STK39: variants seen among roughly 807,000 people sequenced by gnomAD.
The protein encoded by STK39 is serine/threonine kinase 39.
In STK39, 20 loss-of-function variants were observed where a neutral mutation model predicts 77.8. That is an observed-to-expected ratio of 0.26 (90% CI 0.18 to 0.37). STK39 has a LOEUF of 0.37. Among genes scored for constraint, STK39 ranks in the 10% least tolerant of loss-of-function variants. The pLI, the probability that STK39 is intolerant of heterozygous loss-of-function variation, is 1.00. For missense variants in STK39, 479 were observed against 656.5 expected (o/e 0.73, Z 2.95); for synonymous variants, 246 against 234.1 (o/e 1.05, Z -0.47).
Position 167,955,245 on chromosome 2 carries a change from G to A in STK39, c.*251C>T, listed in dbSNP as rs1691732086. On this transcript the variant is annotated 3_prime_UTR_variant, in exon 18 of 18. Coordinates refer to ENST00000355999, the MANE Select transcript of STK39 (RefSeq NM_013233.3). ...GCTTTTGGAAAAATGAGCAACAGTC[G>A]TGCAGCTGTGGCATTTGCTTGTTCT... 6.3e-6 allele frequency: 2 copies of A among 319,188 alleles called. No individual in the cohort carries two copies. Among genetic ancestry groups the A allele is most frequent in the Non-Finnish European group, 1.2e-5 (2 of 172,200 alleles). 19.8% of individuals were successfully genotyped at this position (319,188 alleles called of 1,614,324 possible).
At chr2:168,066,040 C>CAAA (rs3835855) in intron 12 of STK39, among the ~76,000 whole-genome samples, 8,947 of 151,452 alleles carry the variant, frequency 0.059, 424 homozygotes, top group East Asian at 0.19. Context: ...ACAACAACAA[C>CAAA]AAAAAAAACC....
intron 14 of STK39, among the ~76,000 whole-genome samples, chr2:168,017,377 ATTTTTT>A (rs386391743): frequency 2.1e-5 from 2 of 93,590 alleles, no homozygotes; most frequent in South Asian, 4.1e-4. Context: ...GGAAACCTTA[ATTTTTT>A]TTTTTTTTTT....
At chr2:167,981,208 C>T (rs935398056) in intron 16 of STK39, among the ~76,000 whole-genome samples, 1 of 152,156 alleles carries the variant, frequency 6.6e-6, no homozygotes, top group African/African-American at 2.4e-5. Context: ...GGAGTATGCA[C>T]CAGAATGTAA....
chr2:168,159,446 G>A (rs1688515694), intron 5 of STK39, among the ~76,000 whole-genome samples: 1 of 152,082 alleles, frequency 6.6e-6, no homozygotes, highest in African/African-American at 2.4e-5. Context: ...TTTTGTTCAG[G>A]CAGCAACCAA....
At chr2:168,018,538 AAAAGAAAGAAAG>A (rs60121657) in intron 14 of STK39, among the ~76,000 whole-genome samples, 3,589 of 85,426 alleles carry the variant, frequency 0.042, 69 homozygotes, top group Non-Finnish European at 0.056. Context: ...GAAAAGAAAG[AAAAGAAAGAAAG>A]AAAGAAAGAA....
chr2:168,102,791 G>T (rs1164337005), intron 10 of STK39, among the ~76,000 whole-genome samples: 1 of 151,920 alleles, frequency 6.6e-6, no homozygotes, highest in Non-Finnish European at 1.5e-5. Context: ...ATTAGTCTGT[G>T]TGGTGGTGGG....
chr2:168,202,129 C>G (rs1689626382), intron 1 of STK39, among the ~76,000 whole-genome samples: 1 of 152,130 alleles, frequency 6.6e-6, no homozygotes. Flanking sequence ...TGCATCAGAA[C>G]CAACTGGGTT....
intron 2 of STK39, among the ~76,000 whole-genome samples, chr2:168,181,281 A>G (rs148135336): frequency 2.1e-4 from 32 of 152,298 alleles, no homozygotes; most frequent in African/African-American, 7.0e-4. Context: ...TAAACCCTCA[A>G]ACCCTTCACA....
At chr2:168,219,277 CTCT>C (rs1690102927) in intron 1 of STK39, among the ~76,000 whole-genome samples, 1 of 151,100 alleles carries the variant, frequency 6.6e-6, no homozygotes, top group East Asian at 1.9e-4. Context: ...CAGAGTGAGA[CTCT>C]TGTTTCAAAA....
chr2:168,081,607 AG>A (rs1292378953), intron 10 of STK39, among the ~76,000 whole-genome samples: 1 of 152,162 alleles, frequency 6.6e-6, no homozygotes, highest in African/African-American at 2.4e-5. Flanking sequence ...TCATTTCAGA[AG>A]GCATGATTGA....
chr2:167,974,802 T>C (rs960564802), intron 16 of STK39, among the ~76,000 whole-genome samples: 4 of 152,210 alleles, frequency 2.6e-5, no homozygotes, highest in African/African-American at 9.6e-5. Flanking sequence ...AAAAGCACTC[T>C]TGAATACAGG....
intron 14 of STK39, among the ~76,000 whole-genome samples, chr2:168,051,883 A>T (rs761428821): frequency 1.6e-4 from 24 of 152,140 alleles, no homozygotes; most frequent in Non-Finnish European, 2.6e-4. Flanking sequence ...CCTGCCTCAG[A>T]GAGACAGCCA....
intron 12 of STK39, among the ~76,000 whole-genome samples, chr2:168,068,512 G>C (rs76033407): frequency 1.7e-3 from 263 of 152,260 alleles, no homozygotes; most frequent in African/African-American, 6.1e-3. Context: ...ACATGGCAGC[G>C]CTGGTTTCTG....
chr2:168,176,499 T>C (rs137941653), intron 2 of STK39, among the ~76,000 whole-genome samples: 196 of 152,240 alleles, frequency 1.3e-3, no homozygotes, highest in Non-Finnish European at 2.1e-3. Flanking sequence ...CCACAAATCA[T>C]AGCTAACTCA....
intron 3 of STK39, among the ~76,000 whole-genome samples, chr2:168,165,112 T>C (rs1351374022): frequency 6.6e-6 from 1 of 152,186 alleles, no homozygotes; most frequent in Non-Finnish European, 1.5e-5. Context: ...TTTTGTGTCA[T>C]TTAAAAAATG....
chr2:168,055,572 T>C (rs999084343), intron 14 of STK39, among the ~76,000 whole-genome samples: 1 of 152,254 alleles, frequency 6.6e-6, no homozygotes, highest in Non-Finnish European at 1.5e-5. Context: ...AAATTCATGA[T>C]GAGCAAATTG....
intron 16 of STK39, among the ~76,000 whole-genome samples, chr2:167,981,598 G>GT (rs1683419918): frequency 2.0e-5 from 3 of 152,282 alleles, no homozygotes; most frequent in Admixed American, 2.0e-4. Context: ...TCACAAAAAA[G>GT]TCTCTTGTCC....
At chr2:168,085,543 G>C (rs1686343191) in intron 10 of STK39, among the ~76,000 whole-genome samples, 1 of 152,224 alleles carries the variant, frequency 6.6e-6, no homozygotes, top group Non-Finnish European at 1.5e-5. Flanking sequence ...TCTGCACCCA[G>C]ATCTGATTTA....
At chr2:168,241,626 C>A (rs1334628540) in intron 1 of STK39, among the ~76,000 whole-genome samples, 1 of 152,214 alleles carries the variant, frequency 6.6e-6, no homozygotes, top group African/African-American at 2.4e-5. Flanking sequence ...GAATAGGGAA[C>A]AACCTCTCTT....
Sources: gnomAD v4.1 joint callset for allele counts (sites outside exome capture counted in the v4.1 genomes callset) on GRCh38, gnomAD v4.1.1 for gene constraint, MANE v1.5 for transcripts, NCBI Gene and HGNC (gene_info 2026-07-23, HGNC 2026-07-21) for gene names.